Variants in CFAP54 observed in about 807,000 individuals in gnomAD.
The protein encoded by CFAP54 is cilia- and flagella-associated protein 54.
Under a neutral mutation model 370.4 loss-of-function variants are expected in CFAP54, and 290 were observed. That is an observed-to-expected ratio of 0.78 (90% CI 0.71 to 0.86). CFAP54 has a LOEUF of 0.86. CFAP54 is among the 40% of genes least tolerant of loss of function. CFAP54 has a pLI of 0.00. For missense variants in CFAP54, 3,399 were observed against 3,528.7 expected, an observed-to-expected ratio of 0.96 and a Z score of 0.93; for synonymous variants, 1,206 against 1,236.5, an observed-to-expected ratio of 0.98 and a Z score of 0.52.
At chr12:96,778,066 C>G (rs1484660399) in intron 60 of CFAP54, among the ~76,000 whole-genome samples, 1 of 152,168 alleles carries the variant, frequency 6.6e-6, no homozygotes, top group Non-Finnish European at 1.5e-5. Flanking sequence ...AGTTTTGAGC[C>G]ATTTACAAGG....
intron 45 of CFAP54, among the ~76,000 whole-genome samples, chr12:96,697,528 T>C (rs889974880): frequency 3.3e-5 from 5 of 152,188 alleles, no homozygotes; most frequent in Non-Finnish European, 7.3e-5. Context: ...TTTTTATATT[T>C]TATTTTCATG....
At chr12:96,650,420 A>G (rs1319774127) in intron 35 of CFAP54, among the ~76,000 whole-genome samples, 1 of 152,060 alleles carries the variant, frequency 6.6e-6, no homozygotes, top group Non-Finnish European at 1.5e-5. Context: ...GGGTTCCTCT[A>G]TGGGGACTTG....
chr12:96,630,481 G>C, intron 31 of CFAP54, 70 bp from the exon 32 acceptor site: 1 of 790,864 alleles, frequency 1.3e-6, no homozygotes, highest in Non-Finnish European at 1.9e-6. Context: ...AAGCATTAGA[G>C]TATGAATAAA....
chr12:96,663,889 A>G lies in CFAP54; in HGVS notation c.5520A>G (p.Ala1840=). ...QLKINSSTIE[A]TSNCTDLLKM... is the part of the protein sequence containing the mutation. ...AGATTAATTCTTCAACCATTGAAGCAACAAGCAACTGCACAGATTTGCTAA... is the reference window on the plus strand; with the variant it reads ...AGATTAATTCTTCAACCATTGAAGCGACAAGCAACTGCACAGATTTGCTAA... Residue 1840 remains alanine (A), a synonymous_variant, in exon 39 of 68, where the codon GCA becomes GCG. Coordinates refer to ENST00000524981, the MANE Select transcript of CFAP54 (RefSeq NM_001306084.2). 1 of 1,613,426 alleles carries G rather than the reference A, an allele frequency of 6.2e-7. No homozygotes were observed. The highest frequency in any genetic ancestry group is 8.5e-7 in the Non-Finnish European group (1 of 1,179,666).
chr12:96,590,867 G>T (rs1956117003), intron 23 of CFAP54, among the ~76,000 whole-genome samples: 1 of 152,162 alleles, frequency 6.6e-6, no homozygotes, highest in African/African-American at 2.4e-5. Flanking sequence ...AATATGAGAT[G>T]CCAGTAGGTT....
rs542248248 is a variant in CFAP54, at chr12:96,784,870, A to G, written c.8435A>G (p.Asn2812Ser). ...LRYYIHLQRI[N>S]NLSKLLASAT... ...TACTATATTCACCTTCAGAGGATTA[A>G]TAATCTGAGCAAACTGCTAGGTAGG... The change falls in exon 61 of 68, where the codon AAT becomes AGT. Residue 2812 changes from asparagine (N) to serine (S), a missense_variant. This residue lies in a region of CFAP54 where 2,796 missense variants were observed against 2,869.7 expected (regional missense o/e 0.97). Transcript: ENST00000524981. 2.7e-5 allele frequency: 41 copies of G among 1,523,602 alleles called. No individual in the cohort carries two copies. The East Asian group carries it at 8.4e-4, about 31-fold the overall frequency. 94.4% of individuals were successfully genotyped at this position (1,523,602 alleles called of 1,614,324 possible).
intron 63 of CFAP54, among the ~76,000 whole-genome samples, chr12:96,799,511 C>G (rs1202606737): frequency 6.6e-6 from 1 of 152,202 alleles, no homozygotes; most frequent in Non-Finnish European, 1.5e-5. Context: ...GGGCCTGCCT[C>G]TCTTTGTTCT....
Position 96,539,354 on chromosome 12 carries a change from C to T in CFAP54, c.1926+836C>T, listed in dbSNP as rs528493633. 7.2e-5 allele frequency among the ~76,000 whole-genome samples: 11 copies of T among 152,058 alleles called. 1 individual carries two copies. Among genetic ancestry groups the T allele is most frequent in the South Asian group, 2.1e-4 (1 of 4,818 alleles). ...GATTACAAATGTGAGCCCCTGCGCC[C>T]GGCTTCAAGCTTTTAAGTGAAGAAT... is the stretch of plus-strand genomic sequence containing the variant. On this transcript the variant is annotated intron_variant, in intron 13 of 67. Coordinates refer to ENST00000524981, the MANE Select transcript of CFAP54 (RefSeq NM_001306084.2).
chr12:96,697,386 G>A (rs2136572778), intron 45 of CFAP54, among the ~76,000 whole-genome samples: 1 of 152,292 alleles, frequency 6.6e-6, no homozygotes, highest in East Asian at 1.9e-4. Context: ...GAGTTTATGT[G>A]TCTCCCCTGA....
At chr12:96,654,012 T>C (rs1355220261) in intron 36 of CFAP54, among the ~76,000 whole-genome samples, 1 of 152,126 alleles carries the variant, frequency 6.6e-6, no homozygotes, top group African/African-American at 2.4e-5. Context: ...AATGGACATA[T>C]TTATTGGAAA....
intron 64 of CFAP54, among the ~76,000 whole-genome samples, chr12:96,816,130 T>C (rs975675516): frequency 1.3e-5 from 2 of 152,218 alleles, no homozygotes; most frequent in East Asian, 1.9e-4. Flanking sequence ...GGGAATAGCA[T>C]TGAATCTATG....
chr12:96,873,252 G>A (rs1389955311), intron 67 of CFAP54, among the ~76,000 whole-genome samples: 1 of 152,158 alleles, frequency 6.6e-6, no homozygotes, highest in Non-Finnish European at 1.5e-5. Flanking sequence ...TGAAATGGGA[G>A]GTTTGAGTCA....
intron 34 of CFAP54, among the ~76,000 whole-genome samples, chr12:96,648,592 T>C (rs1435483415): frequency 1.4e-5 from 2 of 139,864 alleles, no homozygotes; most frequent in Admixed American, 1.4e-4. Flanking sequence ...TTTTTTTTTT[T>C]TTTTTTTTTT....
intron 39 of CFAP54, among the ~76,000 whole-genome samples, chr12:96,665,958 A>G (rs1957075284): frequency 6.6e-6 from 1 of 152,162 alleles, no homozygotes; most frequent in Admixed American, 6.5e-5. Context: ...TGAACATGGA[A>G]TGTTTTTCCA....
At chr12:96,512,627 A>G (rs765357234) in intron 4 of CFAP54, among the ~76,000 whole-genome samples, 1 of 152,022 alleles carries the variant, frequency 6.6e-6, no homozygotes, top group Non-Finnish European at 1.5e-5. Flanking sequence ...AGGCGTAGCC[A>G]CTGTACACAG....
intron 22 of CFAP54, among the ~76,000 whole-genome samples, chr12:96,584,958 C>T (rs1182990962): frequency 6.6e-6 from 1 of 151,974 alleles, no homozygotes; most frequent in Non-Finnish European, 1.5e-5. Context: ...TGACTAGCCT[C>T]TAACTGTGGC....
chr12:96,699,887 AG>A, intron 45 of CFAP54, 83 bp from the exon 46 acceptor site: 1 of 1,159,276 alleles, frequency 8.6e-7, no homozygotes, highest in Non-Finnish European at 1.2e-6. Context: ...GATCTCAGAA[AG>A]TTGACGATTT....
chr12:96,521,533 TGTGTGTGTGTGTGTGCGC>T (rs1955316348), intron 6 of CFAP54, among the ~76,000 whole-genome samples: 2 of 127,446 alleles, frequency 1.6e-5, no homozygotes, highest in African/African-American at 6.6e-5. Context: ...TGTGTGTGTG[TGTGTGTGTGTGTGTGCGC>T]GTGCGCACAT....
intron 17 of CFAP54, among the ~76,000 whole-genome samples, chr12:96,563,214 G>T (rs147686014): frequency 2.7e-4 from 41 of 152,252 alleles, no homozygotes; most frequent in African/African-American, 9.6e-4. Context: ...AGATATTGAT[G>T]CAAGACTTGA....
Sources: allele counts gnomAD v4.1 joint callset (sites outside exome capture counted in the v4.1 genomes callset), GRCh38; gene constraint gnomAD v4.1.1; regional missense constraint gnomAD v4.1.1; transcripts MANE v1.5; gene names NCBI Gene and HGNC (gene_info 2026-07-23, HGNC 2026-07-21).